The following PTPRG variants were observed in gnomAD, a reference collection of about 807,000 sequenced individuals.
PTPRG encodes the protein receptor-type tyrosine-protein phosphatase gamma.
PTPRG carries 102 observed loss-of-function variants against 165.3 expected under a neutral mutation model. That is an observed-to-expected ratio of 0.62 (90% CI 0.53 to 0.73). The LOEUF (loss-of-function observed/expected upper bound fraction) is 0.73, where lower values mean the gene tolerates loss of function less well. PTPRG is among the 30% of genes least tolerant of loss of function. PTPRG has a pLI of 0.00. For missense variants in PTPRG, 1,866 were observed against 1,861.4 expected, an observed-to-expected ratio of 1.00 and a Z score of -0.05; for synonymous variants, 675 against 669.5, an observed-to-expected ratio of 1.01 and a Z score of -0.13.
intron 4 of PTPRG, among the ~76,000 whole-genome samples, chr3:62,059,225 A>G (rs535921144): frequency 6.6e-6 from 1 of 152,330 alleles, no homozygotes; most frequent in East Asian, 1.9e-4. Context: ...CACGAAGCAC[A>G]TGTCCTAGGG....
intron 4 of PTPRG, among the ~76,000 whole-genome samples, chr3:62,015,317 G>A (rs2041516321): frequency 6.6e-6 from 1 of 152,130 alleles, no homozygotes; most frequent in Non-Finnish European, 1.5e-5. Context: ...TGAAACAGCA[G>A]GAGAAAGGAG....
At chr3:62,124,402 G>C in intron 5 of PTPRG, 1 of 1,613,682 alleles carries the variant, frequency 6.2e-7, no homozygotes, top group Non-Finnish European at 8.5e-7. Context: ...AGATGTAGTC[G>C]ATGACGTGCT....
intron 1 of PTPRG, among the ~76,000 whole-genome samples, chr3:61,648,506 A>T (rs1009791566): frequency 6.6e-6 from 1 of 152,232 alleles, no homozygotes; most frequent in Non-Finnish European, 1.5e-5. Context: ...GGAATTACAC[A>T]TCTTGAAATA....
intron 1 of PTPRG, among the ~76,000 whole-genome samples, chr3:61,631,689 T>C (rs1701778854): frequency 6.6e-6 from 1 of 152,198 alleles, no homozygotes; most frequent in African/African-American, 2.4e-5. Context: ...CTCTGTGTTT[T>C]CAAAAGTAGT....
At chr3:61,629,285 G>C (rs1324267947) in intron 1 of PTPRG, among the ~76,000 whole-genome samples, 1 of 152,106 alleles carries the variant, frequency 6.6e-6, no homozygotes, top group Non-Finnish European at 1.5e-5. Flanking sequence ...CTCCTGAGTA[G>C]CTGGGATTAC....
At chr3:62,037,479 A>G (rs1187426425) in intron 4 of PTPRG, among the ~76,000 whole-genome samples, 1 of 152,184 alleles carries the variant, frequency 6.6e-6, no homozygotes, top group Non-Finnish European at 1.5e-5. Context: ...AAGTTGTGAC[A>G]ATTGGAATAT....
intron 1 of PTPRG, among the ~76,000 whole-genome samples, chr3:61,634,173 C>G (rs1200033434): frequency 6.6e-6 from 1 of 151,884 alleles, no homozygotes; most frequent in Non-Finnish European, 1.5e-5. Context: ...GCCATATGAT[C>G]TATATACATT....
chr3:61,989,254 A>T (rs985894993), intron 2 of PTPRG, among the ~76,000 whole-genome samples: 2 of 152,198 alleles, frequency 1.3e-5, no homozygotes, highest in Non-Finnish European at 2.9e-5. Flanking sequence ...TGCCCACAAT[A>T]GCAAAACATG....
chr3:62,098,682 A>G (rs940819973), intron 5 of PTPRG, among the ~76,000 whole-genome samples: 5 of 152,200 alleles, frequency 3.3e-5, no homozygotes, highest in Non-Finnish European at 5.9e-5. Context: ...ACCTTCCAGG[A>G]AACCTGGTTT....
intron 2 of PTPRG, among the ~76,000 whole-genome samples, chr3:61,890,900 CTT>C (rs1022492005): frequency 6.6e-6 from 1 of 152,108 alleles, no homozygotes; most frequent in Non-Finnish European, 1.5e-5. Context: ...AAAGATAGCT[CTT>C]TGTTTTATAA....
intron 5 of PTPRG, among the ~76,000 whole-genome samples, chr3:62,087,172 C>T (rs1162925843): frequency 1.3e-5 from 2 of 152,198 alleles, no homozygotes; most frequent in African/African-American, 2.4e-5. Context: ...CTTACTATGA[C>T]AGATGACAGG....
intron 7 of PTPRG, among the ~76,000 whole-genome samples, chr3:62,162,994 A>G (rs559901106): frequency 4.6e-5 from 7 of 152,306 alleles, no homozygotes; most frequent in African/African-American, 1.7e-4. Context: ...GCCTCAGGAA[A>G]CTTACAATCA....
chr3:61,774,792 G>A (rs2034318599), intron 2 of PTPRG, among the ~76,000 whole-genome samples: 1 of 152,222 alleles, frequency 6.6e-6, no homozygotes. Flanking sequence ...CTATTGAGCA[G>A]CTTCTCGGGT....
chr3:62,059,624 G>A (rs969757356), intron 4 of PTPRG, among the ~76,000 whole-genome samples: 22 of 152,186 alleles, frequency 1.4e-4, no homozygotes, highest in African/African-American at 5.3e-4. Flanking sequence ...GATTGCATGA[G>A]CCCAGGAGTT....
intron 5 of PTPRG, among the ~76,000 whole-genome samples, chr3:62,113,189 A>T (rs1336500167): frequency 6.6e-6 from 1 of 152,138 alleles, no homozygotes; most frequent in Non-Finnish European, 1.5e-5. Context: ...TCCTGACCCC[A>T]TCCAGCTCCA....
Position 62,271,346 on chromosome 3 carries a change from C to T in PTPRG, c.3010-37C>T, listed in dbSNP as rs754391426. ...TTATTTTTTTCCAGAATGTCCACCC[C>T]CCCGCTTAAAGACATCTTTTTTCAC... On this transcript the variant is annotated intron_variant, in intron 20 of 29. Transcript: ENST00000474889. This position sits in a 1 kb window ranked among gnomAD's most constrained non-coding sequence, Gnocchi z 4.1. The T allele has an allele frequency of 6.5e-6, 10 of 1,531,348 alleles. No individual in the cohort carries two copies. The highest frequency in any genetic ancestry group is 7.1e-6 in the Non-Finnish European group (8 of 1,127,160). The allele number at this position is 1,531,348 out of a possible 1,614,324, so 94.9% of individuals were successfully genotyped here. A position where few individuals can be genotyped will look rare whatever the true frequency, so the allele number is the denominator to read the frequency against.
intron 5 of PTPRG, chr3:62,124,395 T>C: frequency 1.2e-6 from 2 of 1,613,674 alleles, no homozygotes; most frequent in Non-Finnish European, 1.7e-6. Context: ...AGGTCCAAGA[T>C]GTAGTCGATG....
chr3:61,858,924 C>T (rs1306898484), intron 2 of PTPRG, among the ~76,000 whole-genome samples: 1 of 152,108 alleles, frequency 6.6e-6, no homozygotes, highest in African/African-American at 2.4e-5. Context: ...AATAAATGCT[C>T]TCCGTTTTCT....
intron 4 of PTPRG, among the ~76,000 whole-genome samples, chr3:62,064,645 A>G (rs2106702794): frequency 6.6e-6 from 1 of 152,220 alleles, no homozygotes; most frequent in African/African-American, 2.4e-5. Flanking sequence ...ATTGTGAATA[A>G]AGAGCTCCTT....
Sources: allele counts gnomAD v4.1 joint callset (sites outside exome capture counted in the v4.1 genomes callset), GRCh38; gene constraint gnomAD v4.1.1; non-coding constraint Gnocchi (gnomAD v3.1); transcripts MANE v1.5; gene names NCBI Gene and HGNC (gene_info 2026-07-23, HGNC 2026-07-21).